TRAPPC9: variants seen among roughly 807,000 people sequenced by gnomAD.
TRAPPC9 encodes trafficking protein particle complex subunit 9, also known as IKK2 binding protein.
Under a neutral mutation model 124.0 loss-of-function variants are expected in TRAPPC9, and 83 were observed. The observed-to-expected ratio is 0.67, with a 90% CI of 0.56 to 0.80. TRAPPC9 has a LOEUF of 0.80. Among genes scored for constraint, TRAPPC9 ranks in the 30% least tolerant of loss-of-function variants. The pLI, the probability that TRAPPC9 is intolerant of heterozygous loss-of-function variation, is 0.00. For missense variants in TRAPPC9, 1,302 were observed against 1,508.3 expected, an observed-to-expected ratio of 0.86 and a Z score of 2.27; for synonymous variants, 638 against 617.5, an observed-to-expected ratio of 1.03 and a Z score of -0.49.
intron 18 of TRAPPC9, among the ~76,000 whole-genome samples, chr8:140,014,259 C>A (rs1839321353): frequency 6.6e-6 from 1 of 152,074 alleles, no homozygotes; most frequent in African/African-American, 2.4e-5. Flanking sequence ...AGAAATTGCT[C>A]CTCAGGAGAG....
chr8:139,810,322 G>C (rs891399485), intron 21 of TRAPPC9, among the ~76,000 whole-genome samples: 1 of 152,158 alleles, frequency 6.6e-6, no homozygotes, highest in Admixed American at 6.5e-5. Context: ...GAGCAGCCAC[G>C]GGGCATGGGC....
At chr8:139,759,748 C>A (rs1182675383) in intron 21 of TRAPPC9, among the ~76,000 whole-genome samples, 1 of 152,224 alleles carries the variant, frequency 6.6e-6, no homozygotes, top group Non-Finnish European at 1.5e-5. Flanking sequence ...AGCTGCCACC[C>A]AGTGCTCCCA....
intron 21 of TRAPPC9, among the ~76,000 whole-genome samples, chr8:139,847,509 C>T (rs746227808): frequency 2.0e-5 from 3 of 152,052 alleles, no homozygotes; most frequent in Non-Finnish European, 2.9e-5. Flanking sequence ...GGGATGGGCA[C>T]GAGCACCTGC....
Position 140,368,176 on chromosome 8 carries a change from C to T in TRAPPC9, c.1351+2788G>A, listed in dbSNP as rs191766856. Among the ~76,000 whole-genome samples, 83 of 152,274 alleles carry T rather than the reference C, an allele frequency of 5.5e-4. No individual in the cohort carries two copies. The East Asian group carries it at 0.015, about 28-fold the overall frequency. Reference sequence around the variant, plus strand: ...GGTGGAGTTCATTTTGAAGCTGGATCTTATCCCTTGCTTTTGTCTTAGCCG... The same window carrying T: ...GGTGGAGTTCATTTTGAAGCTGGATTTTATCCCTTGCTTTTGTCTTAGCCG... On this transcript the variant is annotated intron_variant, in intron 8 of 22. Coordinates refer to ENST00000438773, the MANE Select transcript of TRAPPC9 (RefSeq NM_001160372.4).
chr8:140,120,562 T>C (rs1455426742), intron 17 of TRAPPC9, among the ~76,000 whole-genome samples: 1 of 152,142 alleles, frequency 6.6e-6, no homozygotes, highest in Non-Finnish European at 1.5e-5. Context: ...CATCCATCCA[T>C]CCATCCAACA....
intron 7 of TRAPPC9, among the ~76,000 whole-genome samples, chr8:140,373,078 T>C (rs1449103866): frequency 6.6e-6 from 1 of 152,200 alleles, no homozygotes; most frequent in Non-Finnish European, 1.5e-5. Flanking sequence ...TGTTTTCTCA[T>C]TCTGTCAACA....
intron 17 of TRAPPC9, among the ~76,000 whole-genome samples, chr8:140,073,020 T>C (rs892742773): frequency 1.3e-5 from 2 of 152,202 alleles, no homozygotes. Context: ...ATCACCAGAA[T>C]GACTACAGTT....
At chr8:140,264,362 T>C (rs12550260) in intron 15 of TRAPPC9, among the ~76,000 whole-genome samples, 17,876 of 152,138 alleles carry the variant, frequency 0.12, 1,172 homozygotes, top group Admixed American at 0.18. Context: ...AGGTGCTTCT[T>C]ACACTCTTGC....
At chr8:140,358,992 A>AG (rs1476558939) in intron 9 of TRAPPC9, among the ~76,000 whole-genome samples, 1 of 152,160 alleles carries the variant, frequency 6.6e-6, no homozygotes, top group African/African-American at 2.4e-5. Context: ...GGTCAGCAGA[A>AG]GCCTTGTCTC....
At chr8:140,247,870 T>C (rs901783891) in intron 16 of TRAPPC9, among the ~76,000 whole-genome samples, 1 of 152,244 alleles carries the variant, frequency 6.6e-6, no homozygotes, top group Non-Finnish European at 1.5e-5. Context: ...TATTACAAAT[T>C]CTTTCCTGAG....
intron 21 of TRAPPC9, among the ~76,000 whole-genome samples, chr8:139,859,223 G>T (rs560130769): frequency 2.8e-4 from 42 of 152,014 alleles, no homozygotes; most frequent in South Asian, 8.4e-4. Flanking sequence ...CTGTGTGGCC[G>T]TGTGACCTGA....
At chr8:139,950,881 T>C (rs1198332034) in intron 19 of TRAPPC9, among the ~76,000 whole-genome samples, 2 of 152,184 alleles carry the variant, frequency 1.3e-5, no homozygotes, top group Non-Finnish European at 2.9e-5. Flanking sequence ...CCAAAACACA[T>C]GGCATGCGGC....
chr8:140,212,838 T>TG (rs1262956531), intron 17 of TRAPPC9, among the ~76,000 whole-genome samples: 1 of 152,056 alleles, frequency 6.6e-6, no homozygotes, highest in East Asian at 1.9e-4. Context: ...CCCAGCACTT[T>TG]GGGAGGCCGA....
intron 21 of TRAPPC9, among the ~76,000 whole-genome samples, chr8:139,784,350 G>T (rs1179674544): frequency 1.3e-5 from 2 of 151,988 alleles, no homozygotes; most frequent in African/African-American, 4.8e-5. Flanking sequence ...AAGGCAGGTG[G>T]ATCACCTCAG....
intron 17 of TRAPPC9, among the ~76,000 whole-genome samples, chr8:140,139,288 G>A (rs1257404802): frequency 6.6e-6 from 1 of 151,980 alleles, no homozygotes; most frequent in Non-Finnish European, 1.5e-5. Context: ...CTCAGATTTT[G>A]TGAAACCCTC....
At chr8:139,992,013 G>A (rs545906382) in intron 18 of TRAPPC9, among the ~76,000 whole-genome samples, 9 of 152,114 alleles carry the variant, frequency 5.9e-5, no homozygotes, top group Admixed American at 2.6e-4. Flanking sequence ...CAGGACCAAT[G>A]GGGTTGTTTT....
At chr8:140,393,036 TA>T (rs66525513) in intron 7 of TRAPPC9, among the ~76,000 whole-genome samples, 429 of 26,768 alleles carry the variant, frequency 0.016, 4 homozygotes, top group African/African-American at 0.039. Flanking sequence ...ATTTTATTTT[TA>T]TTTTATTTTA....
At chr8:139,806,301 C>T (rs12547230) in intron 21 of TRAPPC9, 74,143 of 152,106 alleles carry the variant, frequency 0.49, 18,480 homozygotes, top group Non-Finnish European at 0.52. Flanking sequence ...CGGGAGGGGT[C>T]GATTTCCCTC....
At chr8:140,188,666 G>C (rs1285595931) in intron 17 of TRAPPC9, among the ~76,000 whole-genome samples, 1 of 152,122 alleles carries the variant, frequency 6.6e-6, no homozygotes, top group African/African-American at 2.4e-5. Context: ...CTGGCACCCA[G>C]ACCTGAAATG....
Sources: gnomAD v4.1 joint callset for allele counts (sites outside exome capture counted in the v4.1 genomes callset) on GRCh38, gnomAD v4.1.1 for gene constraint, MANE v1.5 for transcripts, NCBI Gene and HGNC (gene_info 2026-07-23, HGNC 2026-07-21) for gene names.